The following TRIO variants were observed in gnomAD, a reference collection of about 807,000 sequenced individuals.
TRIO encodes the protein trio Rho guanine nucleotide exchange factor.
TRIO carries 58 observed loss-of-function variants against 351.9 expected under a neutral mutation model. That is an observed-to-expected ratio of 0.16 (90% CI 0.13 to 0.21). The LOEUF (loss-of-function observed/expected upper bound fraction) is 0.21. Ranked by LOEUF, TRIO falls within the 10% of genes least tolerant of loss-of-function variation. The pLI is 1.00. For synonymous variants in TRIO, 1,758 were observed against 1,595.7 expected (o/e 1.10, Z -2.42); for missense variants, 3,201 against 4,027.8 (o/e 0.79, Z 5.56).
intron 34 of TRIO, among the ~76,000 whole-genome samples, chr5:14,456,430 C>G (rs763766133): frequency 9.2e-5 from 14 of 152,270 alleles, no homozygotes; most frequent in Non-Finnish European, 1.9e-4. Context: ...TCAATGTGAT[C>G]ATGAGCCGAT....
chr5:14,448,943 A>C (rs548160472), intron 34 of TRIO, among the ~76,000 whole-genome samples: 1 of 152,158 alleles, frequency 6.6e-6, no homozygotes, highest in Non-Finnish European at 1.5e-5. Flanking sequence ...CCCAAAAAAT[A>C]TATTTTAGGG....
chr5:14,194,045 C>A (rs1212660999), intron 1 of TRIO, among the ~76,000 whole-genome samples: 1 of 152,184 alleles, frequency 6.6e-6, no homozygotes, highest in Non-Finnish European at 1.5e-5. Flanking sequence ...TCCAAACCCT[C>A]CATGCAGTGA....
chr5:14,478,334 C>G (rs1434576769), intron 41 of TRIO, among the ~76,000 whole-genome samples: 2 of 152,126 alleles, frequency 1.3e-5, no homozygotes, highest in Non-Finnish European at 2.9e-5. Flanking sequence ...AGAGTTTTTG[C>G]CAAGGTGCCA....
intron 1 of TRIO, among the ~76,000 whole-genome samples, chr5:14,167,399 C>T (rs559785691): frequency 9.9e-5 from 15 of 152,156 alleles, no homozygotes; most frequent in South Asian, 6.2e-4. Flanking sequence ...TTTATTTACA[C>T]GAACCTGAAA....
chr5:14,387,568 G>A lies in TRIO; in HGVS notation c.3701G>A (p.Arg1234Gln), dbSNP rs145664044. The A allele has an allele frequency of 4.8e-5, 78 of 1,614,228 alleles. No individual in the cohort carries two copies. The African/African-American group carries it at 5.2e-4, about 11-fold the overall frequency. ...AAGAGGTACAGAGATTTCTCTCTGC[G>A]GATGGAGAAGTACAGGACCTCTTTG... ...VDKRYRDFSL[R>Q]MEKYRTSLEK... The change falls in exon 22 of 57, where the codon CGG becomes CAG. Residue 1234 changes from arginine to glutamine, a missense_variant. Coordinates refer to ENST00000344204, the MANE Select transcript of TRIO (RefSeq NM_007118.4).
intron 10 of TRIO, among the ~76,000 whole-genome samples, chr5:14,333,793 GACA>G (rs1337369011): frequency 6.6e-6 from 1 of 152,082 alleles, no homozygotes; most frequent in Non-Finnish European, 1.5e-5. Flanking sequence ...AGAAAAAGAG[GACA>G]CCAGTTAGGC....
At chr5:14,388,338 G>A (rs1389534108) in intron 23 of TRIO, among the ~76,000 whole-genome samples, 1 of 152,196 alleles carries the variant, frequency 6.6e-6, no homozygotes, top group Non-Finnish European at 1.5e-5. Context: ...AGTGCAGAGG[G>A]CAGCCCCACA....
At chr5:14,307,736 A>G (rs1003922756) in intron 8 of TRIO, among the ~76,000 whole-genome samples, 2 of 152,136 alleles carry the variant, frequency 1.3e-5, no homozygotes, top group Non-Finnish European at 2.9e-5. Flanking sequence ...TTCTCATCAG[A>G]CTTCTCACAG....
intron 1 of TRIO, among the ~76,000 whole-genome samples, chr5:14,196,481 C>T (rs1439376335): frequency 6.7e-6 from 1 of 148,956 alleles, no homozygotes; most frequent in Non-Finnish European, 1.5e-5. Context: ...ACCTCTAAGA[C>T]TGACTGAGAC....
At chr5:14,455,943 A>G (rs1184823804) in intron 34 of TRIO, among the ~76,000 whole-genome samples, 1 of 152,248 alleles carries the variant, frequency 6.6e-6, no homozygotes, top group Non-Finnish European at 1.5e-5. Context: ...GCGGAGGCTC[A>G]GGCTGCGTGG....
At chr5:14,248,023 G>T (rs552343082) in intron 1 of TRIO, among the ~76,000 whole-genome samples, 1 of 145,622 alleles carries the variant, frequency 6.9e-6, no homozygotes, top group Non-Finnish European at 1.5e-5. Flanking sequence ...CCGAGATTGC[G>T]CCACTGCACT....
rs181267181 is a variant in TRIO, at chr5:14,500,010, C to G, written c.8332+1370C>G. On this transcript the variant is annotated intron_variant, in intron 53 of 56. Coordinates refer to ENST00000344204, the MANE Select transcript of TRIO (RefSeq NM_007118.4). Reference sequence around the variant, plus strand: ...AGGTTGCAGTGAGCCGAGATCATGCCACTGCACTCCAGCCTGGGTGACAGA... The same window carrying G: ...AGGTTGCAGTGAGCCGAGATCATGCGACTGCACTCCAGCCTGGGTGACAGA... Among the ~76,000 whole-genome samples, 1,184 of 146,124 alleles carry G rather than the reference C, an allele frequency of 8.1e-3. 27 individuals carry two copies. Among genetic ancestry groups the G allele is most frequent in the African/African-American group, 0.029 (1,148 of 39,366 alleles).
chr5:14,461,025 T>A lies in TRIO; in HGVS notation c.5210T>A (p.Leu1737His). The A allele has an allele frequency of 1.3e-6, 2 of 1,568,860 alleles. No individual in the cohort carries two copies. The highest frequency in any genetic ancestry group is 1.7e-6 in the Non-Finnish European group (2 of 1,154,990). The part of the protein sequence containing the change: ...MEGIFNHKDS[L>H]SVSSNDASPP... ...CTCTCTTTCTCCCTGGCAGACTCGC[T>A]CTCCGTCTCCAGCAATGACGCCAGT... Residue 1737 changes from leucine to histidine, a missense_variant, in exon 35 of 57, where the codon CTC (leucine) becomes CAC (histidine). Physicochemically the swap from Leu to His is moderately conservative, Grantham distance 99. Around this residue, in one of 19 missense-constraint regions of TRIO, gnomAD observed 193 missense variants for 218.8 expected, o/e 0.88. Transcript: ENST00000344204.
At chr5:14,322,441 T>A (rs1238199503) in intron 9 of TRIO, among the ~76,000 whole-genome samples, 1 of 152,218 alleles carries the variant, frequency 6.6e-6, no homozygotes, top group Admixed American at 6.5e-5. Flanking sequence ...GAATGCAAAA[T>A]GAGGGTCTTT....
rs566700860 is a variant in TRIO at position 14,424,177 on chromosome 5, C to T, written c.5203+4156C>T. 1.7e-4 allele frequency among the ~76,000 whole-genome samples: 26 copies of T among 152,184 alleles called. No homozygotes were observed. The East Asian group carries it at 4.8e-3, about 28-fold the overall frequency. On this transcript the variant is annotated intron_variant, in intron 34 of 56. Coordinates refer to ENST00000344204, the MANE Select transcript of TRIO (RefSeq NM_007118.4). ...CCTGAGATGGGGCGGGCGCAGGAGG[C>T]CTCCCAGGGTCTTGCCAGCTCTGAC...
At chr5:14,276,045 ATTTG>A (rs991776875) in intron 2 of TRIO, among the ~76,000 whole-genome samples, 2 of 115,488 alleles carry the variant, frequency 1.7e-5, no homozygotes, top group Non-Finnish European at 3.9e-5. Context: ...ATTGATGGAC[ATTTG>A]TTTTTTTTTT....
At chr5:14,265,538 T>C (rs1795623769) in intron 1 of TRIO, among the ~76,000 whole-genome samples, 1 of 152,230 alleles carries the variant, frequency 6.6e-6, no homozygotes, top group Admixed American at 6.5e-5. Flanking sequence ...CTTTTGCTCA[T>C]TGTGAAAATA....
chr5:14,422,228 C>G (rs1238221712), intron 34 of TRIO, among the ~76,000 whole-genome samples: 1 of 152,206 alleles, frequency 6.6e-6, no homozygotes, highest in African/African-American at 2.4e-5. Flanking sequence ...CTTGCCTCAC[C>G]CTCGCTTCAG....
chr5:14,369,611 C>T, intron 18 of TRIO, 88 bp downstream of exon 18: 1 of 1,457,398 alleles, frequency 6.9e-7, no homozygotes, highest in African/African-American at 1.4e-5. Context: ...CCCAAGGGAG[C>T]CTGCCCCACA....
Sources: allele counts gnomAD v4.1 joint callset (sites outside exome capture counted in the v4.1 genomes callset), GRCh38; gene constraint gnomAD v4.1.1; regional missense constraint gnomAD v4.1.1; transcripts MANE v1.5; gene names NCBI Gene and HGNC (gene_info 2026-07-23, HGNC 2026-07-21).